PLXNC1: variants seen among roughly 807,000 people sequenced by gnomAD.
PLXNC1 encodes plexin-C1.
Under a neutral mutation model 178.2 loss-of-function variants are expected in PLXNC1, and 75 were observed. The observed-to-expected ratio is 0.42, with a 90% CI of 0.35 to 0.51. PLXNC1 has a LOEUF of 0.51. Among genes scored for constraint, PLXNC1 ranks in the 20% least tolerant of loss-of-function variants. The pLI is 0.02. For missense variants in PLXNC1, 1,503 were observed against 1,984.4 expected, an observed-to-expected ratio of 0.76 and a Z score of 4.61; for synonymous variants, 790 against 779.9, an observed-to-expected ratio of 1.01 and a Z score of -0.22.
Position 94,194,380 on chromosome 12 carries a change from G to A in PLXNC1, c.1439+7907G>A, listed in dbSNP as rs1359563845. On this transcript the variant is annotated intron_variant, in intron 4 of 30. Coordinates refer to ENST00000258526, the MANE Select transcript of PLXNC1 (RefSeq NM_005761.3). ...TGCATTTTGCTTTGGATAGAATCTG[G>A]GCTTTGTGTGACCTGCCAGTTTCTT... is the stretch of plus-strand genomic sequence containing the variant. Among the ~76,000 whole-genome samples the A allele has an allele frequency of 3.9e-5, 6 of 152,244 alleles. No individual in the cohort carries two copies. The East Asian group carries it at 1.2e-3, about 29-fold the overall frequency.
At chr12:94,280,661 A>AG (rs1812122591) in intron 22 of PLXNC1, among the ~76,000 whole-genome samples, 1 of 152,204 alleles carries the variant, frequency 6.6e-6, no homozygotes, top group African/African-American at 2.4e-5. Context: ...ACAGGATCAA[A>AG]GGGGGAGCCC....
chr12:94,282,218 T>C, intron 22 of PLXNC1, 80 bp from the exon 23 acceptor site: 1 of 911,304 alleles, frequency 1.1e-6, no homozygotes, highest in Non-Finnish European at 1.8e-6. Flanking sequence ...TTATTCAAGT[T>C]TTAGTTATCC....
intron 2 of PLXNC1, among the ~76,000 whole-genome samples, chr12:94,171,191 G>A (rs576760573): frequency 6.6e-6 from 1 of 152,336 alleles, no homozygotes; most frequent in South Asian, 2.1e-4. Context: ...TTTTAGCGAT[G>A]TTGTGGCAAC....
At chr12:94,214,470 C>A (rs753947468) in intron 5 of PLXNC1, among the ~76,000 whole-genome samples, 4 of 152,090 alleles carry the variant, frequency 2.6e-5, no homozygotes, top group Non-Finnish European at 5.9e-5. Flanking sequence ...AAAGCCCTGT[C>A]CACTGCAGTA....
In PLXNC1 at chr12:94,149,775, G is replaced by T. The variant is rs541325695; in HGVS notation, c.804G>T (p.Ala268=). ...GCTGGCCCAGCATGGCGCGCATCGC[G>T]CAGAGCACCGAGGTGCTGTTCCAGG... ...ATGWPSMARI[A]QSTEVLFQGQ... Residue 268 remains alanine (A), a synonymous_variant, in exon 1 of 31, where the codon GCG becomes GCT. Coordinates refer to ENST00000258526, the MANE Select transcript of PLXNC1 (RefSeq NM_005761.3). 16 of 1,608,372 alleles carry T rather than the reference G, an allele frequency of 9.9e-6. No individual in the cohort carries two copies. In the African/African-American group the frequency reaches 1.6e-4, roughly 16 times the overall value.
Position 94,260,790 on chromosome 12 carries a change from G to C in PLXNC1, c.3400G>C (p.Glu1134Gln). The change falls in exon 20 of 31, where the codon GAA becomes CAA. Residue 1134 changes from glutamate to glutamine, a missense_variant. Physicochemically the swap from Glu to Gln is conservative, Grantham distance 29. This residue lies in a region of PLXNC1 where 639 missense variants were observed against 979.7 expected (regional missense o/e 0.65). Coordinates refer to ENST00000258526, the MANE Select transcript of PLXNC1 (RefSeq NM_005761.3). This position sits in a 1 kb window ranked among gnomAD's most constrained non-coding sequence, Gnocchi z 4.4. ...LMLRRTESVVEKLLTNWMSVC... is the reference protein window; with the variant it reads ...LMLRRTESVVQKLLTNWMSVC... ...GCTGAGACGCACGGAGTCCGTCGTC[G>C]AAAAACTCCTCACAAACTGGATGTC... 6.2e-7 allele frequency: 1 copy of C among 1,614,176 alleles called. No homozygotes were observed. The highest frequency in any genetic ancestry group is 8.5e-7 in the Non-Finnish European group (1 of 1,180,020).
chr12:94,234,549 T>C (rs1381469811), intron 9 of PLXNC1, among the ~76,000 whole-genome samples: 1 of 152,216 alleles, frequency 6.6e-6, no homozygotes, highest in Non-Finnish European at 1.5e-5. Flanking sequence ...CCTGAAGTCT[T>C]TAAAACGTAA....
At chr12:94,293,227 C>T (rs1967545610) in intron 23 of PLXNC1, among the ~76,000 whole-genome samples, 1 of 152,154 alleles carries the variant, frequency 6.6e-6, no homozygotes, top group Non-Finnish European at 1.5e-5. Context: ...ATTATTCATT[C>T]TGATGATGGA....
intron 4 of PLXNC1, among the ~76,000 whole-genome samples, chr12:94,193,244 T>C (rs1962788059): frequency 6.6e-6 from 1 of 152,068 alleles, no homozygotes; most frequent in Non-Finnish European, 1.5e-5. Context: ...ATCAGGTGAG[T>C]GTTTTAGAAC....
intron 2 of PLXNC1, among the ~76,000 whole-genome samples, chr12:94,174,327 G>A (rs1370541088): frequency 1.3e-5 from 2 of 152,018 alleles, no homozygotes; most frequent in East Asian, 3.9e-4. Flanking sequence ...TGGGACTACA[G>A]ACCTGTGCCC....
At chr12:94,254,371 A>C (rs1188165790) in intron 15 of PLXNC1, 1 of 373,748 alleles carries the variant, frequency 2.7e-6, no homozygotes, top group South Asian at 2.0e-5. Context: ...CTACGTTTGC[A>C]GCACAACTTT....
chr12:94,157,982 A>C (rs1413503283), intron 1 of PLXNC1: 3 of 152,238 alleles, frequency 2.0e-5, no homozygotes, highest in Non-Finnish European at 4.4e-5. Context: ...TTTAAAATGC[A>C]AAAGCTATTC....
chr12:94,272,721 C>G (rs777973834), intron 21 of PLXNC1, among the ~76,000 whole-genome samples: 1 of 152,232 alleles, frequency 6.6e-6, no homozygotes, highest in Non-Finnish European at 1.5e-5. Context: ...ACTGGCCACA[C>G]CTGGCAGCAG....
At chr12:94,213,244 G>T (rs1385400883) in intron 5 of PLXNC1, among the ~76,000 whole-genome samples, 4 of 152,188 alleles carry the variant, frequency 2.6e-5, no homozygotes, top group African/African-American at 9.7e-5. Context: ...TTCCACAATG[G>T]TTGAACTAGT....
chr12:94,260,313 C>G lies in PLXNC1; in HGVS notation c.3252-329C>G, dbSNP rs1565835867. On this transcript the variant is annotated intron_variant, in intron 19 of 30. Transcript: ENST00000258526. This position sits in a 1 kb window ranked among gnomAD's most constrained non-coding sequence, Gnocchi z 4.4. ...CCTCAGGTGATCTGCCTGCTTTAGA[C>G]TCCTAAAGTGCTGGGATTATAGGCG... Among the ~76,000 whole-genome samples the G allele has an allele frequency of 6.6e-6, 1 of 152,232 alleles. No homozygotes were observed. The highest frequency in any genetic ancestry group is 2.1e-4 in the South Asian group (1 of 4,816).
chr12:94,164,630 TG>T (rs1961523386), intron 1 of PLXNC1, among the ~76,000 whole-genome samples: 1 of 151,286 alleles, frequency 6.6e-6, no homozygotes. Context: ...GAAGTCTAAT[TG>T]TTTTCCTCAT....
chr12:94,227,243 C>T lies in PLXNC1; in HGVS notation c.1980+8C>T, dbSNP rs370570882. ...ACCAACCAGGCTTTACAGGTCAGAC[C>T]CTATTTTTGTGTGGTTGAGGGGAAA... On this transcript the variant is annotated splice_region_variant and intron_variant, in intron 9 of 30. Transcript: ENST00000258526. The T allele has an allele frequency of 3.1e-5, 49 of 1,576,046 alleles. No individual in the cohort carries two copies. The highest frequency in any genetic ancestry group is 4.0e-5 in the Non-Finnish European group (46 of 1,145,830).
chr12:94,220,082 T>G lies in PLXNC1; in HGVS notation c.1621T>G (p.Ser541Ala). The change falls in exon 6 of 31, where the codon TCT becomes GCT. Residue 541 changes from serine (S) to alanine (A), a missense_variant. This residue lies in a region of PLXNC1 where 615 missense variants were observed against 698.6 expected (regional missense o/e 0.88). Coordinates refer to ENST00000258526, the MANE Select transcript of PLXNC1 (RefSeq NM_005761.3). The part of the protein sequence containing the change: ...HSKCMVKNVD[S>A]SRELCQNKSQ... Reference sequence around the variant, plus strand: ...AAAGTGCATGGTGAAGAATGTGGACTCTAGCAGGGAGCTCTGCCAGAATAA... The same window carrying G: ...AAAGTGCATGGTGAAGAATGTGGACGCTAGCAGGGAGCTCTGCCAGAATAA... 1.2e-6 allele frequency: 2 copies of G among 1,614,068 alleles called. No individual in the cohort carries two copies. Among genetic ancestry groups the G allele is most frequent in the African/African-American group, 1.3e-5 (1 of 75,048 alleles).
chr12:94,191,613 G>A (rs1389438410), intron 4 of PLXNC1, among the ~76,000 whole-genome samples: 1 of 151,914 alleles, frequency 6.6e-6, no homozygotes, highest in African/African-American at 2.4e-5. Context: ...GTGAAACCCT[G>A]TCTCTACTAA....
Sources: gnomAD v4.1 joint callset for allele counts (sites outside exome capture counted in the v4.1 genomes callset) on GRCh38, gnomAD v4.1.1 for gene constraint, gnomAD v4.1.1 regional missense constraint, Gnocchi (gnomAD v3.1) non-coding constraint, MANE v1.5 for transcripts, NCBI Gene and HGNC (gene_info 2026-07-23, HGNC 2026-07-21) for gene names.